The following BRSK2 variants were observed in gnomAD, a reference collection of about 807,000 sequenced individuals.
The protein encoded by BRSK2 is serine/threonine-protein kinase BRSK2.
BRSK2 carries 19 observed loss-of-function variants against 83.3 expected under a neutral mutation model. The ratio of observed to expected loss-of-function variants is 0.23; its 90% confidence interval spans 0.16 to 0.33. The LOEUF (loss-of-function observed/expected upper bound fraction) is 0.33, where lower values mean the gene tolerates loss of function less well. BRSK2 is among the 10% of genes least tolerant of loss of function. The pLI is 1.00. For missense variants in BRSK2, 798 were observed against 1,042.3 expected, an observed-to-expected ratio of 0.77 and a Z score of 3.23; for synonymous variants, 519 against 435.4, an observed-to-expected ratio of 1.19 and a Z score of -2.39.
chr11:1,427,507 C>T (rs1849378403), intron 1 of BRSK2, among the ~76,000 whole-genome samples: 1 of 152,158 alleles, frequency 6.6e-6, no homozygotes, highest in Non-Finnish European at 1.5e-5. Flanking sequence ...CCCTGGGATG[C>T]CCTGGGGCTC....
chr11:1,411,761 G>A lies in BRSK2; in HGVS notation c.91+21386G>A. The A allele has an allele frequency of 3.7e-6, 5 of 1,348,004 alleles. No individual in the cohort carries two copies. In the South Asian group the frequency reaches 5.4e-5, roughly 15 times the overall value. The allele number at this position is 1,348,004 out of a possible 1,614,324, so 83.5% of individuals were successfully genotyped here. On this transcript the variant is annotated intron_variant, in intron 1 of 19. Coordinates refer to ENST00000528841, the MANE Select transcript of BRSK2 (RefSeq NM_001256627.2). ...ACTGGTGGGCTGCACCTGCTGGGAGGGCCAGCTGTGCGGGTTCCTACGCTG... is the reference window on the plus strand; with the variant it reads ...ACTGGTGGGCTGCACCTGCTGGGAGAGCCAGCTGTGCGGGTTCCTACGCTG...
chr11:1,450,530 C>G lies in BRSK2; in HGVS notation c.1288-57C>G, dbSNP rs554182984. On this transcript the variant is annotated intron_variant, in intron 13 of 19. Coordinates refer to ENST00000528841, the MANE Select transcript of BRSK2 (RefSeq NM_001256627.2). ...GGGCCCGCCTGCCCTGCGGGTGCCC[C>G]CCCGGCCCCCACCCGCCGGGATTGA... 1,818 of 870,440 alleles carry G rather than the reference C, an allele frequency of 2.1e-3. 36 individuals carry two copies. The highest frequency in any genetic ancestry group is 0.017 in the African/African-American group (981 of 58,018). The allele number at this position is 870,440 out of a possible 1,614,324, so 53.9% of individuals were successfully genotyped here.
At chr11:1,435,165 G>C (rs1850113235) in intron 1 of BRSK2, among the ~76,000 whole-genome samples, 1 of 150,814 alleles carries the variant, frequency 6.6e-6, no homozygotes, top group Non-Finnish European at 1.5e-5. Flanking sequence ...GGTGTCCTGG[G>C]GTGAACACAG....
chr11:1,459,248 C>G lies in BRSK2; in HGVS notation c.1987+9C>G. The G allele has an allele frequency of 6.2e-7, 1 of 1,613,436 alleles. No individual in the cohort carries two copies. The highest frequency in any genetic ancestry group is 8.5e-7 in the Non-Finnish European group (1 of 1,179,658). On this transcript the variant is annotated intron_variant, in intron 19 of 19. Coordinates refer to ENST00000528841, the MANE Select transcript of BRSK2 (RefSeq NM_001256627.2). ...GCGGCTTTCCAAATGTGGTAAGAAT[C>G]CCCCACGCTCACCTGGCACCTCCAC...
intron 3 of BRSK2, among the ~76,000 whole-genome samples, chr11:1,439,097 G>A (rs1024836580): frequency 1.3e-5 from 2 of 152,170 alleles, no homozygotes; most frequent in Non-Finnish European, 2.9e-5. Flanking sequence ...GTCCCAGGGC[G>A]GCGGCGTGAC....
At chr11:1,406,908 G>A (rs61867621) in intron 1 of BRSK2, among the ~76,000 whole-genome samples, 22,913 of 152,022 alleles carry the variant, frequency 0.15, 2,269 homozygotes, top group Non-Finnish European at 0.2. Context: ...GTCTGTGTGC[G>A]TGTGTGTGTG....
At chr11:1,408,223 T>G (rs1208220102) in intron 1 of BRSK2, among the ~76,000 whole-genome samples, 1 of 152,224 alleles carries the variant, frequency 6.6e-6, no homozygotes, top group Admixed American at 6.5e-5. Flanking sequence ...GAGCTTTCTC[T>G]TGGCCACCTG....
chr11:1,444,078 G>T (rs1851701056), intron 8 of BRSK2, among the ~76,000 whole-genome samples: 1 of 151,986 alleles, frequency 6.6e-6, no homozygotes, highest in Admixed American at 6.6e-5. Flanking sequence ...GTACCAGTGT[G>T]GGGTGTGCAC....
Position 1,461,434 on chromosome 11 carries a change from G to A in BRSK2, c.*711G>A. ...CCCGCGCCTCCCTTGCCTCATCTGG[G>A]GCGGCTGTGGGCTCTGGCGCTCCTC... On this transcript the variant is annotated 3_prime_UTR_variant, in exon 20 of 20. Coordinates refer to ENST00000528841, the MANE Select transcript of BRSK2 (RefSeq NM_001256627.2). The A allele has an allele frequency of 4.3e-6, 1 of 229,898 alleles. No homozygotes were observed. Among genetic ancestry groups the A allele is most frequent in the South Asian group, 5.7e-5 (1 of 17,570 alleles). The allele number at this position is 229,898 out of a possible 1,614,324, so 14.2% of individuals were successfully genotyped here.
chr11:1,396,173 C>G (rs1216427007), intron 1 of BRSK2, among the ~76,000 whole-genome samples: 1 of 151,522 alleles, frequency 6.6e-6, no homozygotes, highest in Non-Finnish European at 1.5e-5. Context: ...CCTGCGTCCC[C>G]CGCTCCTCGT....
intron 1 of BRSK2, among the ~76,000 whole-genome samples, chr11:1,403,038 C>T (rs150406389): frequency 0.024 from 3,590 of 152,244 alleles, 58 homozygotes; most frequent in Non-Finnish European, 0.033. Flanking sequence ...ACGGGCGGGA[C>T]CCCCCGGGGC....
intron 1 of BRSK2, among the ~76,000 whole-genome samples, chr11:1,401,114 G>T (rs1054968143): frequency 7.2e-5 from 11 of 152,176 alleles, no homozygotes; most frequent in Non-Finnish European, 1.2e-4. Context: ...ACGGGGCAGG[G>T]TGGAGCCGGT....
intron 9 of BRSK2, 77 bp downstream of exon 9, chr11:1,445,079 G>C: frequency 6.4e-7 from 1 of 1,569,498 alleles, no homozygotes; most frequent in Non-Finnish European, 8.8e-7. Flanking sequence ...GAAAGGCGGG[G>C]GGAGGGCGCC....
intron 1 of BRSK2, among the ~76,000 whole-genome samples, chr11:1,419,149 G>GT (rs1848398330): frequency 1.2e-5 from 1 of 85,864 alleles, no homozygotes; most frequent in African/African-American, 5.0e-5. Context: ...CACTGGTGGC[G>GT]GGGGGGGCCT....
chr11:1,392,386 T>G (rs565801277), intron 1 of BRSK2, among the ~76,000 whole-genome samples: 1 of 152,232 alleles, frequency 6.6e-6, no homozygotes, highest in Admixed American at 6.5e-5. Flanking sequence ...GAGGCCTTGC[T>G]TGGGGGGCCA....
At chr11:1,459,111 C>A (rs376443341) in intron 18 of BRSK2, 81 bp from the exon 19 acceptor site, 1 of 1,402,672 alleles carries the variant, frequency 7.1e-7, no homozygotes, top group Non-Finnish European at 1.0e-6. Context: ...CCCTCCCCAT[C>A]GAGGCTGTGG....
rs192210482 is a variant in BRSK2, at chr11:1,390,231, C to T, written c.-54C>T. On this transcript the variant is annotated 5_prime_UTR_variant, in exon 1 of 20. Transcript: ENST00000528841. This position sits in a 1 kb window ranked among gnomAD's most constrained non-coding sequence, Gnocchi z 6.8. ...GCGGACGCGGGCGGACGCTGGGCGG[C>T]CCCTCCCTGCCCGCGCGCCCGGGCG... 0.029 allele frequency: 26,799 copies of T among 931,552 alleles called. 438 individuals are homozygous for T. The highest frequency in any genetic ancestry group is 0.031 in the Non-Finnish European group (24,385 of 778,892). The allele number at this position is 931,552 out of a possible 1,614,324, so 57.7% of individuals were successfully genotyped here.
rs767940972 is a variant in BRSK2 at position 1,442,462 on chromosome 11, T to C, written c.414-28T>C. 10 of 1,578,222 alleles carry C rather than the reference T, an allele frequency of 6.3e-6. No individual in the cohort carries two copies. In the African/African-American group the frequency reaches 1.1e-4, roughly 17 times the overall value. ...AGGCGCTCAAGGCAGAGACTGGCCCTGTTCAGCCTCACCACCCTCCTCCCC... is the reference window on the plus strand; with the variant it reads ...AGGCGCTCAAGGCAGAGACTGGCCCCGTTCAGCCTCACCACCCTCCTCCCC... On this transcript the variant is annotated intron_variant, in intron 4 of 19. Coordinates refer to ENST00000528841, the MANE Select transcript of BRSK2 (RefSeq NM_001256627.2).
At chr11:1,394,262 T>C (rs1430826667) in intron 1 of BRSK2, among the ~76,000 whole-genome samples, 1 of 93,554 alleles carries the variant, frequency 1.1e-5, no homozygotes, top group African/African-American at 4.4e-5. Flanking sequence ...TGGAGATGGG[T>C]CCTGGAGATG....
Sources: allele counts gnomAD v4.1 joint callset (sites outside exome capture counted in the v4.1 genomes callset), GRCh38; gene constraint gnomAD v4.1.1; non-coding constraint Gnocchi (gnomAD v3.1); transcripts MANE v1.5; gene names NCBI Gene and HGNC (gene_info 2026-07-23, HGNC 2026-07-21).